APC2: variants seen among roughly 807,000 people sequenced by gnomAD.
APC2 encodes the protein APC regulator of Wnt signaling pathway 2.
In APC2, 41 loss-of-function variants were observed where a neutral mutation model predicts 72.5. That is an observed-to-expected ratio of 0.57 (90% confidence interval 0.44 to 0.73). The LOEUF (loss-of-function observed/expected upper bound fraction) is 0.73, where lower values mean the gene tolerates loss of function less well. Ranked by LOEUF, APC2 falls within the 30% of genes least tolerant of loss-of-function variation. The probability of loss-of-function intolerance (pLI) is 0.00; values close to 1 mark genes in which losing one functional copy is unlikely to be tolerated. For synonymous variants in APC2, 1,898 were observed against 1,612.0 expected (o/e 1.18, Z -4.25); for missense variants, 3,729 against 3,403.4 (o/e 1.10, Z -2.38).
intron 13 of APC2, chr19:1,461,354 C>T (rs1477656060): frequency 8.3e-6 from 5 of 601,502 alleles, no homozygotes; most frequent in Non-Finnish European, 1.2e-5. Flanking sequence ...CGCCGTGGCT[C>T]ACTTGAGGTC....
intron 6 of APC2, among the ~76,000 whole-genome samples, 193 bp from the exon 7 acceptor site, chr19:1,455,883 A>C (rs150148569): frequency 2.4e-3 from 170 of 70,204 alleles, no homozygotes; most frequent in African/African-American, 9.7e-3. Context: ...GTGGGGTCAT[A>C]TCTTAGGAGG....
chr19:1,460,275 G>A lies in APC2; in HGVS notation c.1398G>A (p.Ala466=), dbSNP rs763564005. 85 of 1,613,424 alleles carry A rather than the reference G, an allele frequency of 5.3e-5. No homozygotes were observed. The highest frequency in any genetic ancestry group is 3.1e-4 in the East Asian group (14 of 44,900). Residue 466 remains alanine, a synonymous_variant, in exon 11 of 15, where the codon GCG becomes GCA. Transcript: ENST00000590469. The part of the protein sequence containing the change: ...DPLNLALRRY[A]GMTLTNLTFG... The stretch of plus-strand genomic sequence containing the variant: ...TGAACCTGGCGCTGCGCCGCTACGC[G>A]GGCATGACCCTCACCAACCTCACCT...
At position 1,466,022 on chromosome 19, in the gene APC2, C is replaced by A. The variant is rs545761373; in HGVS notation, c.2721C>A (p.Ser907Arg). 1.3e-6 allele frequency: 2 copies of A among 1,491,978 alleles called. No individual in the cohort carries two copies. The highest frequency in any genetic ancestry group is 1.3e-5 in the South Asian group (1 of 75,644). The allele number at this position is 1,491,978 out of a possible 1,614,324, so 92.4% of individuals were successfully genotyped here. A position where few individuals can be genotyped will look rare whatever the true frequency, so the allele number is the denominator to read the frequency against. Residue 907 changes from serine (S) to arginine (R), a missense_variant, in exon 15 of 15, where the codon AGC becomes AGA. Physicochemically the swap from Ser to Arg is moderately radical, Grantham distance 110. Coordinates refer to ENST00000590469, the MANE Select transcript of APC2 (RefSeq NM_005883.3). ...AGGGCGGGCGGCGAGAGGCAGGAAG[C>A]CGGGCGCACCCGCTGCTGCGGCTCA... ...GPEGGRREAG[S>R]RAHPLLRLKA...
At chr19:1,446,249 A>AGGGGC (rs1032737583), upstream of APC2, 125 of 983,258 alleles carry the variant, frequency 1.3e-4, no homozygotes, top group Middle Eastern at 5.2e-4. The surrounding 1 kb of genome is among the most constrained non-coding windows in gnomAD (Gnocchi z 6.1). Context: ...CTGGCCGCCG[A>AGGGGC]GGGGCGGGGC....
chr19:1,461,651 G>A, intron 13 of APC2: 1 of 369,934 alleles, frequency 2.7e-6, no homozygotes, highest in Non-Finnish European at 4.9e-6. Context: ...AGGAGATCGA[G>A]ACCATCCTGG....
At position 1,465,720 on chromosome 19, in the gene APC2, G is replaced by C; in HGVS notation, c.2419G>C (p.Gly807Arg). Residue 807 changes from glycine to arginine, a missense_variant, in exon 15 of 15, where the codon GGC becomes CGC. Gly to Arg is a moderately radical substitution (Grantham distance 125). Transcript: ENST00000590469. ...ASPAALSLFL[G>R]SPFLQGQALA... The stretch of plus-strand genomic sequence containing the variant: ...CCCTGCCGCGCTGTCCCTCTTCCTG[G>C]GCAGCCCCTTCCTGCAGGGGCAGGC... 1.3e-6 allele frequency: 2 copies of C among 1,564,136 alleles called. No individual in the cohort carries two copies. Among genetic ancestry groups the C allele is most frequent in the Non-Finnish European group, 1.7e-6 (2 of 1,156,846 alleles).
chr19:1,464,311 G>GA (rs980211364), intron 14 of APC2, among the ~76,000 whole-genome samples: 2,363 of 138,056 alleles, frequency 0.017, 63 homozygotes, highest in African/African-American at 0.056. Context: ...CTCCATCTCA[G>GA]AAAAAAAAAA....
intron 14 of APC2, among the ~76,000 whole-genome samples, chr19:1,463,101 C>G (rs1378769508): frequency 6.6e-6 from 1 of 151,902 alleles, no homozygotes; most frequent in Non-Finnish European, 1.5e-5. Flanking sequence ...CATGGAGAAA[C>G]CCTGTCTCTA....
chr19:1,457,895 C>CGGGGGTGGGGG (rs71174372), intron 9 of APC2, 70 bp from the exon 10 acceptor site: 3 of 1,233,430 alleles, frequency 2.4e-6, no homozygotes, highest in Non-Finnish European at 3.2e-6. Flanking sequence ...GGGCGGGTTG[C>CGGGGGTGGGGG]GGGACCTTCG....
Position 1,461,102 on chromosome 19 carries a change from G to T in APC2, c.1587G>T (p.Arg529Ser). ...RADINSKKVL[R>S]EAGSVTALVQ... ...ACATCAACAGCAAGAAGGTGCTGAG[G>T]GAGGCGGGCAGCGTGACTGCCCTGG... is the stretch of plus-strand genomic sequence containing the variant. The change falls in exon 13 of 15, where the codon AGG (arginine) becomes AGT (serine). Residue 529 changes from arginine to serine, a missense_variant. Physicochemically the swap from Arg to Ser is moderately radical, Grantham distance 110. Coordinates refer to ENST00000590469, the MANE Select transcript of APC2 (RefSeq NM_005883.3). 2 of 1,613,418 alleles carry T rather than the reference G, an allele frequency of 1.2e-6. No homozygotes were observed. The highest frequency in any genetic ancestry group is 4.5e-5 in the East Asian group (2 of 44,888).
Position 1,466,750 on chromosome 19 carries a change from A to G in APC2, c.3449A>G (p.Asn1150Ser), listed in dbSNP as rs753549152. The change falls in exon 15 of 15, where the codon AAC becomes AGC. Residue 1150 changes from asparagine to serine, a missense_variant. By Grantham distance (46) the Asn-to-Ser change is conservative. Transcript: ENST00000590469. ...EDATPSSSSE[N>S]YVQETPLVLS... is the part of the protein sequence containing the mutation. ...GCCACGCCGTCCAGCTCGTCGGAGA[A>G]CTACGTGCAGGAGACACCGCTTGTG... is the stretch of plus-strand genomic sequence containing the variant. The G allele has an allele frequency of 1.3e-6, 2 of 1,547,314 alleles. No individual in the cohort carries two copies. The highest frequency in any genetic ancestry group is 2.4e-5 in the South Asian group (2 of 84,200).
Position 1,458,021 on chromosome 19 carries a change from T to A in APC2, c.1264T>A (p.Ser422Thr). The change falls in exon 10 of 15, where the codon TCC (serine) becomes ACC (threonine). Residue 422 changes from serine to threonine, a missense_variant. Ser to Thr is a moderately conservative substitution (Grantham distance 58). Coordinates refer to ENST00000590469, the MANE Select transcript of APC2 (RefSeq NM_005883.3). ...CQATCAVMKL[S>T]FDEEYRRAMN... ...GGCCACCTGTGCTGTTATGAAGCTG[T>A]CCTTTGATGAGGAGTACCGCCGTGC... 6.4e-7 allele frequency: 1 copy of A among 1,567,422 alleles called. No individual in the cohort carries two copies. Among genetic ancestry groups the A allele is most frequent in the African/African-American group, 1.3e-5 (1 of 74,410 alleles).
At position 1,453,098 on chromosome 19, in the gene APC2, T is replaced by C; in HGVS notation, c.97T>C (p.Ser33Pro). Residue 33 changes from serine (S) to proline (P), a missense_variant, in exon 2 of 15, where the codon TCC becomes CCC. Transcript: ENST00000590469. ...SHLRQELRDN[S>P]SHLSKLETET... Reference sequence around the variant, plus strand: ...CCTGAGGCAGGAGCTAAGGGACAACTCCAGCCACCTGTCCAAGCTGGAGAC... The same window carrying C: ...CCTGAGGCAGGAGCTAAGGGACAACCCCAGCCACCTGTCCAAGCTGGAGAC... The C allele has an allele frequency of 6.2e-7, 1 of 1,608,000 alleles. No individual in the cohort carries two copies. The highest frequency in any genetic ancestry group is 8.5e-7 in the Non-Finnish European group (1 of 1,178,108).
chr19:1,461,953 C>G lies in APC2; in HGVS notation c.1639-10C>G, dbSNP rs770664523. The G allele has an allele frequency of 6.2e-7, 1 of 1,600,076 alleles. No homozygotes were observed. Among genetic ancestry groups the G allele is most frequent in the Non-Finnish European group, 8.5e-7 (1 of 1,169,664 alleles). ...GGCCCTGACCCGCCCCTCTCCCGCC[C>G]CTCGTCCAGGAGTCCACCCTGAAGA... On this transcript the variant is annotated splice_polypyrimidine_tract_variant and intron_variant, in intron 13 of 14. Coordinates refer to ENST00000590469, the MANE Select transcript of APC2 (RefSeq NM_005883.3).
Position 1,453,498 on chromosome 19 carries a change from T to C in APC2, c.300T>C (p.Pro100=). 1.2e-6 allele frequency: 2 copies of C among 1,606,932 alleles called. No homozygotes were observed. The highest frequency in any genetic ancestry group is 1.7e-6 in the Non-Finnish European group (2 of 1,175,796). ...KFQPPTLGPE[P]AARTPEGSPV... is the part of the protein sequence containing the mutation. ...AGCCGCCCACCCTGGGCCCGGAGCCTGCCGCCCGGACCCCCGAGGGCAGCC... is the reference window on the plus strand; with the variant it reads ...AGCCGCCCACCCTGGGCCCGGAGCCCGCCGCCCGGACCCCCGAGGGCAGCC... The change falls in exon 4 of 15, where the codon CCT becomes CCC. Residue 100 remains proline (P), a synonymous_variant. Coordinates refer to ENST00000590469, the MANE Select transcript of APC2 (RefSeq NM_005883.3).
At position 1,456,160 on chromosome 19, in the gene APC2, G is replaced by A. The variant is rs1008664946; in HGVS notation, c.717+7G>A. On this transcript the variant is annotated splice_region_variant and intron_variant, in intron 7 of 14. Transcript: ENST00000590469. Reference sequence around the variant, plus strand: ...GCAGCAGACGGAGCCCCAGGTACCGGGTGGGGCAGAGCCAGGGACCAGGGG... The same window carrying A: ...GCAGCAGACGGAGCCCCAGGTACCGAGTGGGGCAGAGCCAGGGACCAGGGG... The A allele has an allele frequency of 1.3e-6, 2 of 1,582,204 alleles. No homozygotes were observed. Among genetic ancestry groups the A allele is most frequent in the East Asian group, 2.3e-5 (1 of 43,590 alleles).
rs537331814 is a variant in APC2 at position 1,453,662 on chromosome 19, C to T, written c.413+51C>T. 50 of 1,549,726 alleles carry T rather than the reference C, an allele frequency of 3.2e-5. 1 individual carries two copies. In the African/African-American group the frequency reaches 5.3e-4, roughly 16 times the overall value. ...CGGGCAGCTGGAGCATGACTCGGTC[C>T]CCAGCGGGCTCTGCCCTCTAATTCG... is the stretch of plus-strand genomic sequence containing the variant. On this transcript the variant is annotated intron_variant, in intron 4 of 14. Transcript: ENST00000590469.
At chr19:1,456,818 T>G in intron 8 of APC2, 35 bp from the exon 9 acceptor site, 1 of 1,576,294 alleles carries the variant, frequency 6.3e-7, no homozygotes, top group East Asian at 2.3e-5. Context: ...GGGGGGCAGG[T>G]GAGGGACCCC....
intron 11 of APC2, 88 bp downstream of exon 11, chr19:1,460,408 C>G: frequency 6.3e-7 from 1 of 1,577,486 alleles, no homozygotes; most frequent in Non-Finnish European, 8.6e-7. Flanking sequence ...AGCCTCGAAA[C>G]AGCCCTGAGA....
Sources: gnomAD v4.1 joint callset for allele counts (sites outside exome capture counted in the v4.1 genomes callset) on GRCh38, gnomAD v4.1.1 for gene constraint, Gnocchi (gnomAD v3.1) non-coding constraint, MANE v1.5 for transcripts, NCBI Gene and HGNC (gene_info 2026-07-23, HGNC 2026-07-21) for gene names.